Variants in ADD1 observed in about 807,000 individuals in gnomAD.
The protein encoded by ADD1 is adducin 1, also known as alpha-adducin.
Under a neutral mutation model 80.5 loss-of-function variants are expected in ADD1, and 24 were observed. That is an observed-to-expected ratio of 0.30 (90% confidence interval 0.22 to 0.42). The LOEUF (loss-of-function observed/expected upper bound fraction) is 0.42, where lower values mean the gene tolerates loss of function less well. Ranked by LOEUF, ADD1 falls within the 10% of genes least tolerant of loss-of-function variation. The pLI is 1.00. For synonymous variants in ADD1, 373 were observed against 393.8 expected (o/e 0.95, Z 0.63); for missense variants, 948 against 1,019.0 (o/e 0.93, Z 0.95).
chr4:2,882,954 C>T (rs1732613407), intron 3 of ADD1, among the ~76,000 whole-genome samples: 2 of 152,132 alleles, frequency 1.3e-5, no homozygotes, highest in Non-Finnish European at 1.5e-5. Context: ...TACCACCTCC[C>T]AGGTTCAAGC....
At chr4:2,890,331 G>T (rs1734100902) in intron 4 of ADD1, among the ~76,000 whole-genome samples, 1 of 152,122 alleles carries the variant, frequency 6.6e-6, no homozygotes, top group African/African-American at 2.4e-5. Flanking sequence ...AATATGAAAA[G>T]TTACTGAAAT....
chr4:2,885,089 C>G (rs1387610159), intron 4 of ADD1, among the ~76,000 whole-genome samples: 1 of 152,176 alleles, frequency 6.6e-6, no homozygotes, highest in East Asian at 1.9e-4. Context: ...TGGGTATCTG[C>G]TTTCTCTGGA....
chr4:2,897,863 T>A (rs752433498), intron 6 of ADD1, among the ~76,000 whole-genome samples: 1 of 152,172 alleles, frequency 6.6e-6, no homozygotes, highest in African/African-American at 2.4e-5. Flanking sequence ...CAGAGGAGTC[T>A]GTGGTCTGCT....
chr4:2,912,377 C>T (rs780530402), intron 13 of ADD1, among the ~76,000 whole-genome samples: 1 of 152,164 alleles, frequency 6.6e-6, no homozygotes, highest in Admixed American at 6.5e-5. Flanking sequence ...TAGCTGTGGT[C>T]TGTGGAGGAG....
At chr4:2,844,783 T>C (rs1339185377) in intron 1 of ADD1, 1 of 152,220 alleles carries the variant, frequency 6.6e-6, no homozygotes, top group Non-Finnish European at 1.5e-5. Context: ...CAAAAAGCAA[T>C]TGTCATATCT....
chr4:2,896,999 A>G (rs1735356564), intron 6 of ADD1, among the ~76,000 whole-genome samples: 1 of 152,134 alleles, frequency 6.6e-6, no homozygotes, highest in Admixed American at 6.5e-5. Flanking sequence ...GCTTCAAGTG[A>G]TCTGCCCACC....
At chr4:2,888,155 G>A (rs1001239048) in intron 4 of ADD1, among the ~76,000 whole-genome samples, 1 of 151,322 alleles carries the variant, frequency 6.6e-6, no homozygotes, top group African/African-American at 2.4e-5. Context: ...TGCCGCCTCG[G>A]TTCAAGTGAT....
intron 10 of ADD1, among the ~76,000 whole-genome samples, chr4:2,906,405 A>C (rs1045357321): frequency 1.3e-5 from 2 of 151,592 alleles, no homozygotes; most frequent in African/African-American, 4.9e-5. Flanking sequence ...AAAAAAAAAA[A>C]CCCCAAAACA....
chr4:2,858,628 C>T (rs1044945014), intron 1 of ADD1, among the ~76,000 whole-genome samples: 1 of 152,134 alleles, frequency 6.6e-6, no homozygotes, highest in African/African-American at 2.4e-5. Flanking sequence ...CATTAAAGTT[C>T]ACTCACATTT....
At chr4:2,917,667 T>G (rs1054873455) in intron 14 of ADD1, among the ~76,000 whole-genome samples, 1 of 152,030 alleles carries the variant, frequency 6.6e-6, no homozygotes, top group Non-Finnish European at 1.5e-5. Flanking sequence ...GTTTTAGGTC[T>G]TATGTTTAAC....
intron 6 of ADD1, 78 bp downstream of exon 6, chr4:2,894,809 C>T (rs373863378): frequency 2.1e-6 from 3 of 1,446,232 alleles, no homozygotes; most frequent in East Asian, 2.7e-5. Flanking sequence ...CTGAATTGCC[C>T]TTGTTGTTTA....
chr4:2,912,335 C>T (rs1018994943), intron 13 of ADD1, among the ~76,000 whole-genome samples: 18 of 152,248 alleles, frequency 1.2e-4, no homozygotes, highest in Non-Finnish European at 1.2e-4. Flanking sequence ...ATTCTCTGTT[C>T]CCATAACTGG....
intron 4 of ADD1, among the ~76,000 whole-genome samples, chr4:2,889,466 T>C (rs1297166784): frequency 6.6e-6 from 1 of 152,096 alleles, no homozygotes; most frequent in African/African-American, 2.4e-5. Context: ...AAATCACTTA[T>C]CGTAAAAGAA....
chr4:2,894,217 G>A, intron 5 of ADD1, 124 bp downstream of exon 5: 1 of 783,930 alleles, frequency 1.3e-6, no homozygotes, highest in Non-Finnish European at 2.1e-6. Context: ...TATGTGGTGT[G>A]TTCAGTTAGA....
At chr4:2,911,746 C>T (rs1013722063) in intron 13 of ADD1, among the ~76,000 whole-genome samples, 7 of 152,104 alleles carry the variant, frequency 4.6e-5, no homozygotes, top group East Asian at 1.9e-4. Flanking sequence ...TGTGAGCCAC[C>T]GCGCCTGGCA....
At chr4:2,886,349 C>G (rs972452277) in intron 4 of ADD1, among the ~76,000 whole-genome samples, 1 of 152,198 alleles carries the variant, frequency 6.6e-6, no homozygotes, top group Admixed American at 6.5e-5. Context: ...GTGTGTTGTG[C>G]CTCTGGGACT....
chr4:2,898,939 G>A lies in ADD1; in HGVS notation c.985-320G>A, dbSNP rs186575004. On this transcript the variant is annotated intron_variant, in intron 8 of 15. Coordinates refer to ENST00000683351, the MANE Select transcript of ADD1 (RefSeq NM_001354761.2). ...ACAGCTGTGAGTTCCCCTCCGCTCCGTCAGCCGTTAGTTCACGTTCTCCCC... is the reference window on the plus strand; with the variant it reads ...ACAGCTGTGAGTTCCCCTCCGCTCCATCAGCCGTTAGTTCACGTTCTCCCC... The A allele has an allele frequency of 3.0e-4, 115 of 379,804 alleles. No homozygotes were observed. In the East Asian group the frequency reaches 4.9e-3, roughly 16 times the overall value. 23.5% of individuals were successfully genotyped at this position (379,804 alleles called of 1,614,324 possible).
intron 6 of ADD1, among the ~76,000 whole-genome samples, chr4:2,895,721 C>G (rs1735083358): frequency 6.6e-6 from 1 of 152,158 alleles, no homozygotes. Flanking sequence ...AATGGGCCAC[C>G]CTGACAAAGC....
chr4:2,866,811 C>T (rs1164777290), intron 1 of ADD1, among the ~76,000 whole-genome samples: 1 of 152,192 alleles, frequency 6.6e-6, no homozygotes, highest in Non-Finnish European at 1.5e-5. Flanking sequence ...GCCAGCACAC[C>T]TGTAATCCCA....
Sources: allele counts gnomAD v4.1 joint callset (sites outside exome capture counted in the v4.1 genomes callset), GRCh38; gene constraint gnomAD v4.1.1; transcripts MANE v1.5; gene names NCBI Gene and HGNC (gene_info 2026-07-23, HGNC 2026-07-21).